The following NRG1 variants were observed in gnomAD, a reference collection of about 807,000 sequenced individuals.
The protein encoded by NRG1 is neuregulin 1, also known as pro-neuregulin-1, membrane-bound isoform.
In NRG1, 18 loss-of-function variants were observed where a neutral mutation model predicts 63.8. That is an observed-to-expected ratio of 0.28 (90% confidence interval 0.19 to 0.42). The LOEUF (loss-of-function observed/expected upper bound fraction) is 0.42, where lower values mean the gene tolerates loss of function less well. NRG1 is among the 10% of genes least tolerant of loss of function. NRG1 has a pLI of 1.00. For missense variants in NRG1, 762 were observed against 814.7 expected (o/e 0.94, Z 0.79); for synonymous variants, 302 against 301.3 (o/e 1.00, Z -0.02).
At chr8:31,762,234 C>T (rs1472835658) in intron 1 of NRG1, among the ~76,000 whole-genome samples, 3 of 152,102 alleles carry the variant, frequency 2.0e-5, no homozygotes, top group African/African-American at 7.2e-5. Flanking sequence ...TGTGTCATTC[C>T]CCTCTCTGTG....
chr8:32,159,886 G>A (rs1184646369), intron 1 of NRG1, among the ~76,000 whole-genome samples: 1 of 152,118 alleles, frequency 6.6e-6, no homozygotes, highest in African/African-American at 2.4e-5. Flanking sequence ...GTGGTAATAG[G>A]AGAGCAGTGA....
intron 1 of NRG1, among the ~76,000 whole-genome samples, chr8:31,739,538 G>T (rs1312289827): frequency 1.3e-5 from 2 of 151,948 alleles, no homozygotes; most frequent in Admixed American, 6.6e-5. Flanking sequence ...ACTTCTCCAG[G>T]TTCATAAATA....
chr8:31,863,714 C>A (rs574920359), intron 1 of NRG1, among the ~76,000 whole-genome samples: 2 of 152,306 alleles, frequency 1.3e-5, no homozygotes, highest in East Asian at 3.9e-4. Flanking sequence ...CTTTCCTTTC[C>A]CTTCTTTATC....
chr8:32,620,836 C>G (rs1848218764), intron 5 of NRG1, among the ~76,000 whole-genome samples: 1 of 150,578 alleles, frequency 6.6e-6, no homozygotes, highest in Non-Finnish European at 1.5e-5. Context: ...AAAATAAAAA[C>G]AAACAAAAAA....
chr8:31,909,837 A>G (rs1449863040), intron 1 of NRG1, among the ~76,000 whole-genome samples: 1 of 152,156 alleles, frequency 6.6e-6, no homozygotes, highest in Admixed American at 6.5e-5. Context: ...GAGCTCCGTG[A>G]GCATTTATTC....
chr8:31,807,319 A>G (rs1415475033), intron 1 of NRG1, among the ~76,000 whole-genome samples: 1 of 152,168 alleles, frequency 6.6e-6, no homozygotes, highest in African/African-American at 2.4e-5. Context: ...TTTTGTATCA[A>G]CAGTAGTGAT....
At chr8:32,631,355 G>A (rs1850277592) in intron 5 of NRG1, among the ~76,000 whole-genome samples, 1 of 152,044 alleles carries the variant, frequency 6.6e-6, no homozygotes. Flanking sequence ...TTTAACATTT[G>A]TTATTACTTA....
At chr8:31,920,626 A>G (rs1833819966) in intron 1 of NRG1, among the ~76,000 whole-genome samples, 1 of 152,130 alleles carries the variant, frequency 6.6e-6, no homozygotes, top group Admixed American at 6.6e-5. Flanking sequence ...GACTCTGGTG[A>G]CAGTCTGCCT....
downstream of NRG1, among the ~76,000 whole-genome samples, chr8:32,768,843 C>T (rs1375562933): frequency 6.6e-6 from 1 of 152,152 alleles, no homozygotes; most frequent in Non-Finnish European, 1.5e-5. Context: ...CCTGAGACTT[C>T]CCACCAATGT....
intron 1 of NRG1, among the ~76,000 whole-genome samples, chr8:32,562,708 G>A (rs1836683495): frequency 6.6e-6 from 1 of 152,064 alleles, no homozygotes; most frequent in African/African-American, 2.4e-5. Flanking sequence ...CTGTAAAAGT[G>A]TATCATGAGT....
At chr8:31,954,328 T>C (rs1804008529) in intron 1 of NRG1, among the ~76,000 whole-genome samples, 2 of 152,178 alleles carry the variant, frequency 1.3e-5, no homozygotes, top group African/African-American at 4.8e-5. Flanking sequence ...GGTGAACATG[T>C]AGGATAATAA....
At chr8:32,416,955 A>T (rs1816007791) in intron 1 of NRG1, among the ~76,000 whole-genome samples, 1 of 152,126 alleles carries the variant, frequency 6.6e-6, no homozygotes, top group Admixed American at 6.6e-5. Context: ...CAAAGTGCTG[A>T]GATACAGGCA....
In NRG1 at chr8:32,689,312, G is replaced by A. The variant is rs575743625; in HGVS notation, c.503-38637G>A. On this transcript the variant is annotated intron_variant, in intron 5 of 11. Coordinates refer to ENST00000356819, the Ensembl canonical transcript of NRG1. ...TAAGAGAAATCAAAAAAAAAAAAAGGAAGAGTTCATGGACTCTTGTTTCTT... is the reference window on the plus strand; with the variant it reads ...TAAGAGAAATCAAAAAAAAAAAAAGAAAGAGTTCATGGACTCTTGTTTCTT... Among the ~76,000 whole-genome samples the A allele has an allele frequency of 6.7e-4, 101 of 151,580 alleles. 1 individual carries two copies. Among genetic ancestry groups the A allele is most frequent in the African/African-American group, 2.3e-3 (95 of 41,402 alleles).
chr8:32,343,682 C>T (rs938141387), intron 1 of NRG1, among the ~76,000 whole-genome samples: 13 of 152,144 alleles, frequency 8.5e-5, no homozygotes, highest in African/African-American at 3.1e-4. Context: ...GAATCAGAGG[C>T]TTTTATGAGA....
intron 1 of NRG1, among the ~76,000 whole-genome samples, chr8:32,028,133 T>A (rs1002945333): frequency 1.1e-4 from 16 of 152,176 alleles, no homozygotes; most frequent in Non-Finnish European, 1.5e-4. Flanking sequence ...ATATTACTAA[T>A]TCATTAATTT....
intron 1 of NRG1, among the ~76,000 whole-genome samples, chr8:31,806,375 A>C (rs1450846831): frequency 6.6e-6 from 1 of 152,176 alleles, no homozygotes; most frequent in Non-Finnish European, 1.5e-5. Flanking sequence ...TTATGAGCTA[A>C]TATTCTTACC....
At chr8:31,950,530 C>G (rs28505156) in intron 1 of NRG1, among the ~76,000 whole-genome samples, 9 of 152,232 alleles carry the variant, frequency 5.9e-5, no homozygotes, top group Admixed American at 5.9e-4. Context: ...GCAGCTGGAA[C>G]AGTTCAATAA....
intron 1 of NRG1, among the ~76,000 whole-genome samples, chr8:32,239,273 G>C (rs1345358491): frequency 1.4e-5 from 1 of 73,030 alleles, no homozygotes; most frequent in Non-Finnish European, 2.5e-5. Context: ...GGAAAGATGA[G>C]CTTTAAAAAA....
chr8:31,859,900 A>G (rs1265060423), intron 1 of NRG1, among the ~76,000 whole-genome samples: 2 of 152,302 alleles, frequency 1.3e-5, no homozygotes, highest in South Asian at 2.1e-4. Flanking sequence ...GTGGGGAGGT[A>G]TGTGTCTAGA....
Sources: gnomAD v4.1 joint callset for allele counts (sites outside exome capture counted in the v4.1 genomes callset) on GRCh38, gnomAD v4.1.1 for gene constraint, MANE v1.5 for transcripts, NCBI Gene and HGNC (gene_info 2026-07-23, HGNC 2026-07-21) for gene names.